REEP3: variants seen among roughly 807,000 people sequenced by gnomAD.
REEP3 encodes the protein receptor expression-enhancing protein 3.
A neutral mutation model predicts 41.3 loss-of-function variants in REEP3; 20 were observed. The ratio of observed to expected loss-of-function variants is 0.48; its 90% confidence interval spans 0.34 to 0.70. The LOEUF (loss-of-function observed/expected upper bound fraction) is 0.70. Among genes scored for constraint, REEP3 ranks in the 30% least tolerant of loss-of-function variants. The pLI is 0.01. For missense variants in REEP3, 271 were observed against 308.8 expected, an observed-to-expected ratio of 0.88 and a Z score of 0.92; for synonymous variants, 104 against 101.8, an observed-to-expected ratio of 1.02 and a Z score of -0.13.
chr10:63,562,493 G>T (rs140700897), intron 1 of REEP3: 2 of 452,804 alleles, frequency 4.4e-6, no homozygotes, highest in East Asian at 1.4e-4. Context: ...CTGACCTCAG[G>T]TAATCCATCC....
At chr10:63,574,186 C>T (rs6479909) in intron 2 of REEP3, among the ~76,000 whole-genome samples, 49,100 of 152,002 alleles carry the variant, frequency 0.32, 8,518 homozygotes, top group African/African-American at 0.41. Flanking sequence ...TTCAGATGGA[C>T]GTCATGAGTT....
chr10:63,560,372 G>C (rs142845922), intron 1 of REEP3, among the ~76,000 whole-genome samples: 10 of 152,162 alleles, frequency 6.6e-5, no homozygotes, highest in African/African-American at 2.4e-4. Context: ...GCATTTGAGA[G>C]ATGTATATCA....
chr10:63,569,409 C>CTG (rs143283543), intron 2 of REEP3, among the ~76,000 whole-genome samples: 12 of 150,202 alleles, frequency 8.0e-5, no homozygotes, highest in Admixed American at 6.6e-4. Context: ...TGGTGTGCTG[C>CTG]TGTGTGTGTG....
rs540099616 is a variant in REEP3 at position 63,599,450 on chromosome 10, T to A, written c.417+167T>A. 1.8e-5 allele frequency: 8 copies of A among 433,658 alleles called. No individual in the cohort carries two copies. In the South Asian group the frequency reaches 2.2e-4, roughly 12 times the overall value. The allele number at this position is 433,658 out of a possible 1,614,324, so 26.9% of individuals were successfully genotyped here. On this transcript the variant is annotated intron_variant, in intron 5 of 7. Coordinates refer to ENST00000373758, the MANE Select transcript of REEP3 (RefSeq NM_001001330.3). ...AGATATTTTAATTTTGTGTTTTCCA[T>A]ACTTGATATTTTGAATCTCTTAATT...
chr10:63,595,094 C>G (rs1956101559), intron 3 of REEP3, among the ~76,000 whole-genome samples: 1 of 152,208 alleles, frequency 6.6e-6, no homozygotes, highest in Non-Finnish European at 1.5e-5. Flanking sequence ...CACCTTCCCC[C>G]AGTATCTTGG....
chr10:63,608,732 A>G, intron 5 of REEP3, among the ~76,000 whole-genome samples: 1 of 152,084 alleles, frequency 6.6e-6, no homozygotes, highest in Non-Finnish European at 1.5e-5. Flanking sequence ...AAAGCTTTAT[A>G]CTTTAGGAGG....
At chr10:63,600,905 G>T (rs979186628) in intron 5 of REEP3, among the ~76,000 whole-genome samples, 5 of 151,948 alleles carry the variant, frequency 3.3e-5, no homozygotes, top group Non-Finnish European at 7.4e-5. Context: ...TGTAATCCCA[G>T]CACTTTGGGA....
At chr10:63,594,409 A>G (rs1956094845) in intron 2 of REEP3, among the ~76,000 whole-genome samples, 1 of 152,162 alleles carries the variant, frequency 6.6e-6, no homozygotes, top group Non-Finnish European at 1.5e-5. Flanking sequence ...AATAACTTAT[A>G]GTCTTCATAA....
chr10:63,527,042 T>C (rs1955371424), intron 1 of REEP3, among the ~76,000 whole-genome samples: 1 of 152,192 alleles, frequency 6.6e-6, no homozygotes, highest in Non-Finnish European at 1.5e-5. Flanking sequence ...ATTTCCCTTT[T>C]TTACAATGAT....
intron 3 of REEP3, 61 bp downstream of exon 3, chr10:63,594,915 T>C: frequency 9.7e-7 from 1 of 1,027,980 alleles, no homozygotes; most frequent in Non-Finnish European, 1.5e-6. Context: ...TCCTAAGTTC[T>C]TATCCTGCTC....
intron 2 of REEP3, among the ~76,000 whole-genome samples, chr10:63,578,534 G>A (rs1003824699): frequency 6.6e-6 from 1 of 152,136 alleles, no homozygotes; most frequent in African/African-American, 2.4e-5. Flanking sequence ...ACTTTGGGAG[G>A]CCGAGGTGGA....
At chr10:63,524,485 T>G (rs1955339982) in intron 1 of REEP3, among the ~76,000 whole-genome samples, 1 of 152,074 alleles carries the variant, frequency 6.6e-6, no homozygotes, top group Non-Finnish European at 1.5e-5. Context: ...TCGCCCACGC[T>G]GGAGTGCGGT....
intron 1 of REEP3, among the ~76,000 whole-genome samples, chr10:63,536,521 G>C (rs1323737874): frequency 1.4e-4 from 22 of 152,058 alleles, no homozygotes; most frequent in Admixed American, 1.4e-3. Context: ...TTTCTAACTT[G>C]GGGCAAGGAA....
chr10:63,584,038 G>A (rs1955980108), intron 2 of REEP3, among the ~76,000 whole-genome samples: 1 of 152,004 alleles, frequency 6.6e-6, no homozygotes, highest in South Asian at 2.1e-4. Flanking sequence ...CTCTACTGAG[G>A]TCAGGGTTGA....
intron 5 of REEP3, chr10:63,599,730 A>C (rs1402696554): frequency 2.0e-6 from 2 of 978,740 alleles, no homozygotes; most frequent in African/African-American, 3.5e-5. Flanking sequence ...ATTATTCAAA[A>C]TAAGGCATGA....
chr10:63,559,173 T>C (rs1286612270), intron 1 of REEP3, among the ~76,000 whole-genome samples: 4 of 152,148 alleles, frequency 2.6e-5, no homozygotes, highest in African/African-American at 9.7e-5. Context: ...TATTTTGTCA[T>C]ATTAGAGAGG....
intron 1 of REEP3, among the ~76,000 whole-genome samples, chr10:63,552,152 C>G (rs796091085): frequency 3.3e-5 from 5 of 152,236 alleles, no homozygotes; most frequent in African/African-American, 1.2e-4. Context: ...CGCCTGTAAT[C>G]CCAGCACTTT....
chr10:63,612,077 G>A (rs2133429943), intron 6 of REEP3, among the ~76,000 whole-genome samples: 1 of 152,324 alleles, frequency 6.6e-6, no homozygotes, highest in South Asian at 2.1e-4. Flanking sequence ...GCCTTTGAGA[G>A]AGAGGAACCA....
chr10:63,561,728 T>C (rs1415980326), intron 1 of REEP3, among the ~76,000 whole-genome samples: 2 of 152,118 alleles, frequency 1.3e-5, no homozygotes, highest in African/African-American at 4.8e-5. Flanking sequence ...GGCCACGAGT[T>C]TGAAAATAAA....
Sources: allele counts gnomAD v4.1 joint callset (sites outside exome capture counted in the v4.1 genomes callset), GRCh38; gene constraint gnomAD v4.1.1; transcripts MANE v1.5; gene names NCBI Gene and HGNC (gene_info 2026-07-23, HGNC 2026-07-21).